Variants in MXRA5 observed in about 807,000 individuals in gnomAD.
MXRA5 encodes matrix-remodeling-associated protein 5.
A neutral mutation model predicts 112.5 loss-of-function variants in MXRA5; 41 were observed. The ratio of observed to expected loss-of-function variants is 0.36; its 90% CI spans 0.28 to 0.47. The LOEUF (loss-of-function observed/expected upper bound fraction) is 0.47, where lower values mean the gene tolerates loss of function less well. Among genes scored for constraint, MXRA5 ranks in the 20% least tolerant of loss-of-function variants. The pLI is 0.99. For synonymous variants in MXRA5, 862 were observed against 900.8 expected (o/e 0.96, Z 0.77); for missense variants, 2,150 against 2,251.0 (o/e 0.96, Z 0.91).
chrX:3,313,697 T>C (rs1297097383), intron 6 of MXRA5, among the ~76,000 whole-genome samples: 9 of 112,674 alleles, frequency 8.0e-5, no homozygotes, highest in Non-Finnish European at 1.3e-4. Context: ...TTATAATTTA[T>C]TTAGGATTTA....
chrX:3,309,936 A>G lies in MXRA5; in HGVS notation c.8267T>C (p.Met2756Thr). 8.3e-7 allele frequency: 1 copy of G among 1,211,314 alleles called. No homozygotes were observed. Among genetic ancestry groups the G allele is most frequent in the Non-Finnish European group, 1.1e-6 (1 of 895,315 alleles). The stretch of plus-strand genomic sequence containing the variant: ...GTCAGCTTTGGGAATCCCCATAGCC[A>G]TGCAGTTCAGTTTCACGGTGTTCCC... Reference protein sequence around the residue: ...RPGNTVKLNCMAMGIPKADIT... With the variant: ...RPGNTVKLNCTAMGIPKADIT... Residue 2756 changes from methionine (M) to threonine (T), a missense_variant, in exon 7 of 7, where the codon ATG (methionine) becomes ACG (threonine). Coordinates refer to ENST00000217939, the MANE Select transcript of MXRA5 (RefSeq NM_015419.4).
chrX:3,323,774 G>A lies in MXRA5; in HGVS notation c.1911C>T (p.Ser637=). 1 of 1,211,753 alleles carries A rather than the reference G, an allele frequency of 8.3e-7. No homozygotes were observed. Among genetic ancestry groups the A allele is most frequent in the Non-Finnish European group, 1.1e-6 (1 of 895,397 alleles). ...HVYMLPNGTL[S]IPKVQVSDSG... ...TGTCACTGACTTGGACCTTTGGGATGGAAAGAGTTCCATTTGGCAACATGT... is the reference window on the plus strand; with the variant it reads ...TGTCACTGACTTGGACCTTTGGGATAGAAAGAGTTCCATTTGGCAACATGT... The change falls in exon 5 of 7, where the codon TCC becomes TCT. Residue 637 remains serine (S), a synonymous_variant. Transcript: ENST00000217939.
chrX:3,329,890 G>C, intron 4 of MXRA5, 128 bp downstream of exon 4: 1 of 786,894 alleles, frequency 1.3e-6, no homozygotes, highest in South Asian at 2.9e-5. Context: ...TAGCTGATTG[G>C]GTGCTCAGAT....
chrX:3,333,353 G>C (rs372637442), intron 2 of MXRA5, among the ~76,000 whole-genome samples: 9 of 35,096 alleles, frequency 2.6e-4, no homozygotes, highest in Admixed American at 1.7e-3. Context: ...AAGAAAAAAA[G>C]AAACTTTCCA....
At chrX:3,338,439 C>A (rs1285598760) in intron 2 of MXRA5, among the ~76,000 whole-genome samples, 1 of 109,817 alleles carries the variant, frequency 9.1e-6, no homozygotes, top group African/African-American at 3.3e-5. Flanking sequence ...TAGATAGGTA[C>A]ATAGATAGAT....
At chrX:3,327,181 A>T (rs1203558885) in intron 4 of MXRA5, among the ~76,000 whole-genome samples, 2 of 94,420 alleles carry the variant, frequency 2.1e-5, no homozygotes, top group Non-Finnish European at 4.2e-5. Flanking sequence ...GAGAATTATA[A>T]AGCTCCTAAC....
Position 3,323,037 on chromosome X carries a change from G to A in MXRA5, c.2648C>T (p.Pro883Leu), listed in dbSNP as rs150373644. The A allele has an allele frequency of 4.1e-5, 49 of 1,209,688 alleles. No homozygotes were observed. In the African/African-American group the frequency reaches 7.7e-4, roughly 19 times the overall value. The change falls in exon 5 of 7, where the codon CCT (proline) becomes CTT (leucine). Residue 883 changes from proline to leucine, a missense_variant. This residue lies in a region of MXRA5 where 1,485 missense variants were observed against 1,471.6 expected (regional missense o/e 1.01). Coordinates refer to ENST00000217939, the MANE Select transcript of MXRA5 (RefSeq NM_015419.4). Reference protein sequence around the residue: ...ILVEPEVTSTPLEEVVDDLSE... With the variant: ...ILVEPEVTSTLLEEVVDDLSE... ...AAGGTCATCAACAACTTCCTCCAGA[G>A]GTGTGCTTGTTACTTCAGGTTCAAC...
chrX:3,316,089 C>T (rs762125143), intron 6 of MXRA5, among the ~76,000 whole-genome samples: 1 of 38,024 alleles, frequency 2.6e-5, no homozygotes, highest in Non-Finnish European at 4.4e-5. Context: ...CCGGGCGCGG[C>T]GGATCAGGAG....
intron 2 of MXRA5, among the ~76,000 whole-genome samples, chrX:3,332,632 T>A (rs1470545308): frequency 1.2e-4 from 14 of 112,513 alleles, no homozygotes; most frequent in African/African-American, 4.2e-4. Context: ...GTTGTATAGA[T>A]TCAATATGGT....
rs776929845 is a variant in MXRA5 at position 3,310,058 on chromosome X, C to T, written c.8145G>A (p.Thr2715=). 3.0e-5 allele frequency: 36 copies of T among 1,209,163 alleles called. No homozygotes were observed. In the African/African-American group the frequency reaches 3.2e-4, roughly 11 times the overall value. ...TGCTGGTGACCGAAGGGCCGTACTC[C>T]GTCTCCATCCTGCATACATAGGTAC... ...DRGTYVCRME[T]EYGPSVTSIP... The change falls in exon 7 of 7, where the codon ACG becomes ACA. Residue 2715 remains threonine, a synonymous_variant. Coordinates refer to ENST00000217939, the MANE Select transcript of MXRA5 (RefSeq NM_015419.4).
chrX:3,333,772 T>C (rs1456852114), intron 2 of MXRA5, among the ~76,000 whole-genome samples: 9 of 112,104 alleles, frequency 8.0e-5, no homozygotes, highest in Non-Finnish European at 1.7e-4. Context: ...TGAAGCTTTA[T>C]TTCATGTTAA....
chrX:3,309,519 G>A lies in MXRA5; in HGVS notation c.*197C>T. On this transcript the variant is annotated 3_prime_UTR_variant, in exon 7 of 7. Coordinates refer to ENST00000217939, the MANE Select transcript of MXRA5 (RefSeq NM_015419.4). ...ACACAAAAGAAAGTGTCTCAGCAAG[G>A]CTGAGCCCTCCTTCTCGTGTCTGCA... 2.3e-6 allele frequency: 1 copy of A among 435,311 alleles called. No individual in the cohort carries two copies. The allele number at this position is 435,311 out of a possible 1,213,427, so 35.9% of individuals were successfully genotyped here.
intron 2 of MXRA5, among the ~76,000 whole-genome samples, chrX:3,343,157 A>G (rs1342834764): frequency 2.7e-5 from 3 of 112,695 alleles, no homozygotes; most frequent in African/African-American, 9.7e-5. Context: ...AGACGTTGAT[A>G]TTTTTAACAG....
At position 3,323,869 on chromosome X, in the gene MXRA5, C is replaced by T. The variant is rs763581529; in HGVS notation, c.1816G>A (p.Glu606Lys). The T allele has an allele frequency of 1.3e-5, 16 of 1,209,301 alleles. No homozygotes were observed. Among genetic ancestry groups the T allele is most frequent in the Non-Finnish European group, 1.6e-5 (14 of 894,056 alleles). Residue 606 changes from glutamate to lysine, a missense_variant, in exon 5 of 7, where the codon GAA becomes AAA. Glu to Lys is a moderately conservative substitution (Grantham distance 56, BLOSUM62 1). Around this residue, in one of 6 missense-constraint regions of MXRA5, gnomAD observed 1,485 missense variants for 1,471.6 expected, o/e 1.01. Transcript: ENST00000217939. ...TLPCNALAIP[E>K]AHLSWILPNR... ...GGAAGAATCCAGCTAAGGTGGGCTTCGGGTATTGCTAAAGCATTGCAAGGC... is the reference window on the plus strand; with the variant it reads ...GGAAGAATCCAGCTAAGGTGGGCTTTGGGTATTGCTAAAGCATTGCAAGGC...
At chrX:3,314,308 C>A in intron 6 of MXRA5, among the ~76,000 whole-genome samples, 1 of 112,244 alleles carries the variant, frequency 8.9e-6, no homozygotes, top group South Asian at 3.7e-4. Flanking sequence ...ATCCTGTGAA[C>A]TGTAGGGTGT....
chrX:3,316,814 C>T (rs1335800986), intron 6 of MXRA5, among the ~76,000 whole-genome samples: 2 of 108,862 alleles, frequency 1.8e-5, no homozygotes, highest in African/African-American at 3.3e-5. Context: ...GTAGCTGGGA[C>T]TACAGACGCT....
chrX:3,310,590 G>A lies in MXRA5; in HGVS notation c.7613C>T (p.Pro2538Leu), dbSNP rs1282004089. ...RLILQLTVLE[P>L]MEKPIFHDPI... Reference sequence around the variant, plus strand: ...GTCGTGGAAGATGGGTTTCTCCATGGGCTCCAGGACAGTGAGCTGCAGGAT... The same window carrying A: ...GTCGTGGAAGATGGGTTTCTCCATGAGCTCCAGGACAGTGAGCTGCAGGAT... Residue 2538 changes from proline (P) to leucine (L), a missense_variant, in exon 7 of 7, where the codon CCC (proline) becomes CTC (leucine). Pro to Leu is a moderately conservative substitution (Grantham distance 98). This residue lies in a region of MXRA5 where 93 missense variants were observed against 135.5 expected (regional missense o/e 0.69). Transcript: ENST00000217939. 1.0e-6 allele frequency: 1 copy of A among 1,000,336 alleles called. No homozygotes were observed. Among genetic ancestry groups the A allele is most frequent in the Non-Finnish European group, 1.4e-6 (1 of 727,374 alleles). The allele number at this position is 1,000,336 out of a possible 1,213,427, so 82.4% of individuals were successfully genotyped here. A position where few individuals can be genotyped will look rare whatever the true frequency, so the allele number is the denominator to read the frequency against.
At position 3,330,020 on chromosome X, in the gene MXRA5, C is replaced by T; in HGVS notation, c.707G>A (p.Arg236Lys). 1 of 1,209,077 alleles carries T rather than the reference C, an allele frequency of 8.3e-7. No individual in the cohort carries two copies. Among genetic ancestry groups the T allele is most frequent in the Non-Finnish European group, 1.1e-6 (1 of 894,591 alleles). ...GGTCTGCTCTCCTCTCTTCTTACCT[C>T]TGGATTTTGCATCCCATTCCAAAAA... Reference protein sequence around the residue: ...RWFLEWDAKSRGILKCKKDKA... With the variant: ...RWFLEWDAKSKGILKCKKDKA... Residue 236 changes from arginine to lysine, a missense_variant and splice_region_variant, in exon 4 of 7, where the codon AGA (arginine) becomes AAA (lysine). Physicochemically the swap from Arg to Lys is conservative, Grantham distance 26. This residue lies in a region of MXRA5 where 386 missense variants were observed against 411.0 expected (regional missense o/e 0.94). Transcript: ENST00000217939.
Position 3,311,297 on chromosome X carries a change from G to C in MXRA5, c.6906C>G (p.Val2302=), listed in dbSNP as rs775161117. 3 of 1,211,646 alleles carry C rather than the reference G, an allele frequency of 2.5e-6. No individual in the cohort carries two copies. Among genetic ancestry groups the C allele is most frequent in the Non-Finnish European group, 3.4e-6 (3 of 895,464 alleles). The part of the protein sequence containing the change: ...DDSGGRTKRY[V]VFNNGTLYFN... ...AGTAGAGTGTCCCATTGTTGAAGAC[G>C]ACATAGCGCTTGGTGCGTCCACCGC... is the stretch of plus-strand genomic sequence containing the variant. The change falls in exon 7 of 7, where the codon GTC becomes GTG. Residue 2302 remains valine, a synonymous_variant. Coordinates refer to ENST00000217939, the MANE Select transcript of MXRA5 (RefSeq NM_015419.4).
Sources: gnomAD v4.1 joint callset for allele counts (sites outside exome capture counted in the v4.1 genomes callset) on GRCh38, gnomAD v4.1.1 for gene constraint, gnomAD v4.1.1 regional missense constraint, MANE v1.5 for transcripts, NCBI Gene and HGNC (gene_info 2026-07-23, HGNC 2026-07-21) for gene names.